Variants in RALGPS1 observed in about 807,000 individuals in gnomAD.
RALGPS1 encodes ras-specific guanine nucleotide-releasing factor RalGPS1.
RALGPS1 carries 19 observed loss-of-function variants against 78.8 expected under a neutral mutation model. That is an observed-to-expected ratio of 0.24 (90% CI 0.17 to 0.35). The LOEUF is 0.35. Among genes scored for constraint, RALGPS1 ranks in the 10% least tolerant of loss-of-function variants. RALGPS1 has a pLI of 1.00. For missense variants in RALGPS1, 454 were observed against 688.3 expected (o/e 0.66, Z 3.81); for synonymous variants, 228 against 256.3 (o/e 0.89, Z 1.06).
intron 5 of RALGPS1, among the ~76,000 whole-genome samples, chr9:127,039,898 A>C (rs1055115485): frequency 6.6e-6 from 1 of 152,220 alleles, no homozygotes; most frequent in Admixed American, 6.5e-5. Flanking sequence ...ACTCTTGGGC[A>C]GTGATGGTGG....
At chr9:127,070,932 A>G (rs62580853) in intron 8 of RALGPS1, among the ~76,000 whole-genome samples, 58,069 of 151,102 alleles carry the variant, frequency 0.38, 12,825 homozygotes, top group Non-Finnish European at 0.48. Context: ...TTAGTAGAAA[A>G]TTGTCCATTT....
In RALGPS1 at chr9:127,156,268, G is replaced by C. The variant is rs1305662237; in HGVS notation, c.611-9801G>C. On this transcript the variant is annotated intron_variant, in intron 8 of 18. Coordinates refer to ENST00000259351, the MANE Select transcript of RALGPS1 (RefSeq NM_014636.3). The stretch of plus-strand genomic sequence containing the variant: ...ACATTTCTTATTAATGTTTGTAGTA[G>C]TATTGCTGCAATTTGTAGTAGTATT... Among the ~76,000 whole-genome samples, 5 of 152,162 alleles carry C rather than the reference G, an allele frequency of 3.3e-5. No individual in the cohort carries two copies. In the East Asian group the frequency reaches 9.6e-4, roughly 29 times the overall value.
At chr9:127,089,140 T>C in intron 8 of RALGPS1, 1 of 1,614,160 alleles carries the variant, frequency 6.2e-7, no homozygotes, top group Non-Finnish European at 8.5e-7. Context: ...CACAGTTTCC[T>C]GCAAGAGAGA....
chr9:127,060,185 G>GT (rs894017683), intron 7 of RALGPS1, among the ~76,000 whole-genome samples: 1 of 152,126 alleles, frequency 6.6e-6, no homozygotes, highest in African/African-American at 2.4e-5. Context: ...GACACGTCAG[G>GT]TATTGCTGCA....
chr9:127,024,775 T>G (rs1053176068), intron 4 of RALGPS1, among the ~76,000 whole-genome samples: 11 of 152,196 alleles, frequency 7.2e-5, no homozygotes. Context: ...TGTTTTTATA[T>G]TTCCCCAGAG....
chr9:127,124,460 G>A, intron 8 of RALGPS1, among the ~76,000 whole-genome samples: 1 of 152,312 alleles, frequency 6.6e-6, no homozygotes, highest in South Asian at 2.1e-4. Context: ...CAGCTGTAGA[G>A]TCTTCCTGTT....
intron 5 of RALGPS1, 112 bp downstream of exon 5, chr9:127,034,626 C>A: frequency 1.1e-6 from 1 of 900,856 alleles, no homozygotes; most frequent in Non-Finnish European, 1.8e-6. Context: ...GGCCCCAGAT[C>A]CAGCTTCTCA....
rs1342803013 is a variant in RALGPS1 at position 127,022,877 on chromosome 9, A to C, written c.217-11554A>C. Among the ~76,000 whole-genome samples, 3 of 152,166 alleles carry C rather than the reference A, an allele frequency of 2.0e-5. No individual in the cohort carries two copies. In the East Asian group the frequency reaches 5.8e-4, roughly 29 times the overall value. ...TTTCGCAGGAGTTATCATCTGACTT[A>C]TTATGATTTCTTTAGAAATCTCTCT... is the stretch of plus-strand genomic sequence containing the variant. On this transcript the variant is annotated intron_variant, in intron 4 of 18. Transcript: ENST00000259351.
chr9:127,072,338 A>C (rs578154118), intron 8 of RALGPS1, among the ~76,000 whole-genome samples: 1 of 152,088 alleles, frequency 6.6e-6, no homozygotes, highest in East Asian at 1.9e-4. Context: ...TCAGCCTCCC[A>C]AGTAGCTGGG....
intron 1 of RALGPS1, among the ~76,000 whole-genome samples, chr9:126,930,895 TTA>T (rs1445685713): frequency 6.6e-6 from 1 of 152,272 alleles, no homozygotes; most frequent in Admixed American, 6.5e-5. Context: ...GCTATCTGTG[TTA>T]TATTTTCTCA....
chr9:127,184,252 G>A, intron 11 of RALGPS1: 1 of 516,428 alleles, frequency 1.9e-6, no homozygotes, highest in Non-Finnish European at 3.5e-6. Context: ...CCCAGGAGGG[G>A]GAGGCTACAG....
At chr9:126,956,608 G>C (rs1165422000) in intron 1 of RALGPS1, among the ~76,000 whole-genome samples, 3 of 152,212 alleles carry the variant, frequency 2.0e-5, no homozygotes, top group African/African-American at 7.2e-5. Context: ...AAGATGGGCA[G>C]GTTGAGAGGA....
At chr9:127,118,328 C>T (rs1235558619) in intron 8 of RALGPS1, among the ~76,000 whole-genome samples, 2 of 152,216 alleles carry the variant, frequency 1.3e-5, no homozygotes, top group Non-Finnish European at 2.9e-5. Flanking sequence ...ATAGAAACTA[C>T]CCCCAGAATG....
At chr9:127,102,613 CTGCCT>C (rs1245359710) in intron 8 of RALGPS1, among the ~76,000 whole-genome samples, 3 of 152,114 alleles carry the variant, frequency 2.0e-5, no homozygotes, top group Non-Finnish European at 4.4e-5. Context: ...CTTTGGAAAA[CTGCCT>C]GAGGAATGGA....
intron 1 of RALGPS1, among the ~76,000 whole-genome samples, chr9:126,918,746 C>T (rs2034446075): frequency 6.7e-6 from 1 of 149,504 alleles, no homozygotes; most frequent in Non-Finnish European, 1.5e-5. Flanking sequence ...GATCTTGGCT[C>T]ACAGCAACCT....
intron 8 of RALGPS1, among the ~76,000 whole-genome samples, chr9:127,085,538 C>G (rs1350632158): frequency 6.6e-6 from 1 of 152,206 alleles, no homozygotes; most frequent in African/African-American, 2.4e-5. Flanking sequence ...CCCTACCTTT[C>G]ATTTTCTCCA....
At position 127,101,975 on chromosome 9, in the gene RALGPS1, A is replaced by G. The variant is rs143642161; in HGVS notation, c.610+32619A>G. On this transcript the variant is annotated intron_variant, in intron 8 of 18. Transcript: ENST00000259351. Reference sequence around the variant, plus strand: ...TAGTTCCACAGGCTCATCTTGAGATATAAGATGAGGACCATCAGGCTTATT... The same window carrying G: ...TAGTTCCACAGGCTCATCTTGAGATGTAAGATGAGGACCATCAGGCTTATT... Among the ~76,000 whole-genome samples, 589 of 152,248 alleles carry G rather than the reference A, an allele frequency of 3.9e-3. 5 individuals are homozygous for G. The Middle Eastern group carries it at 0.054, about 14-fold the overall frequency.
At chr9:127,046,321 G>T (rs757315253) in intron 5 of RALGPS1, among the ~76,000 whole-genome samples, 1 of 152,176 alleles carries the variant, frequency 6.6e-6, no homozygotes, top group African/African-American at 2.4e-5. Context: ...TGCAGAGTTT[G>T]AAGTGGTAGT....
intron 4 of RALGPS1, among the ~76,000 whole-genome samples, chr9:127,004,947 C>A (rs1164741086): frequency 6.6e-6 from 1 of 152,120 alleles, no homozygotes; most frequent in Non-Finnish European, 1.5e-5. Flanking sequence ...TTTTGGAAGA[C>A]CCTTCAAAAT....
Sources: gnomAD v4.1 joint callset for allele counts (sites outside exome capture counted in the v4.1 genomes callset) on GRCh38, gnomAD v4.1.1 for gene constraint, MANE v1.5 for transcripts, NCBI Gene and HGNC (gene_info 2026-07-23, HGNC 2026-07-21) for gene names.